KCNG3: variants seen among roughly 807,000 people sequenced by gnomAD.
The protein encoded by KCNG3 is voltage-gated potassium channel regulatory subunit KCNG3.
A neutral mutation model predicts 29.0 loss-of-function variants in KCNG3; 15 were observed. That is an observed-to-expected ratio of 0.52 (90% confidence interval 0.35 to 0.80). The LOEUF is 0.80. Among genes scored for constraint, KCNG3 ranks in the 30% least tolerant of loss-of-function variants. The probability of loss-of-function intolerance (pLI) is 0.01; values close to 1 mark genes in which losing one functional copy is unlikely to be tolerated. For missense variants in KCNG3, 512 were observed against 605.7 expected, an observed-to-expected ratio of 0.85 and a Z score of 1.62; for synonymous variants, 322 against 248.9, an observed-to-expected ratio of 1.29 and a Z score of -2.76.
At position 42,493,197 on chromosome 2, in the gene KCNG3, C is replaced by A. The variant is rs1474727422; in HGVS notation, c.305G>T (p.Gly102Val). The A allele has an allele frequency of 1.2e-6, 2 of 1,610,634 alleles. No individual in the cohort carries two copies. The highest frequency in any genetic ancestry group is 4.5e-5 in the East Asian group (2 of 44,850). Reference sequence around the variant, plus strand: ...GTACTCGAGGTGCGCGCCCTCCAGGCCCCAGTAGATCATCTCGTTGTAGAA... The same window carrying A: ...GTACTCGAGGTGCGCGCCCTCCAGGACCCAGTAGATCATCTCGTTGTAGAA... ...LSFYNEMIYWGLEGAHLEYCC... is the reference protein window; with the variant it reads ...LSFYNEMIYWVLEGAHLEYCC... Residue 102 changes from glycine (G) to valine (V), a missense_variant, in exon 1 of 2, where the codon GGC becomes GTC. By Grantham distance (109) the Gly-to-Val change is moderately radical. Transcript: ENST00000306078.
intron 1 of KCNG3, among the ~76,000 whole-genome samples, chr2:42,490,436 A>C (rs1162576971): frequency 6.6e-6 from 1 of 152,106 alleles, no homozygotes; most frequent in Admixed American, 6.6e-5. Flanking sequence ...AATAAAATAA[A>C]ATAAAATAAA....
At chr2:42,429,926 G>A in the KCNG3 span, among the ~76,000 whole-genome samples, 3 of 152,194 alleles carry the variant, frequency 2.0e-5, no homozygotes, top group Non-Finnish European at 2.9e-5. Context: ...CCAGGCAGCT[G>A]CTGTTGTGTC....
chr2:42,488,677 G>A (rs558417656), intron 1 of KCNG3, among the ~76,000 whole-genome samples: 70 of 151,846 alleles, frequency 4.6e-4, no homozygotes, highest in African/African-American at 1.6e-3. Flanking sequence ...AGCCTCCTGA[G>A]TAGCTGGGAT....
At chr2:42,391,723 C>T in the KCNG3 span, among the ~76,000 whole-genome samples, 1 of 148,288 alleles carries the variant, frequency 6.7e-6, no homozygotes, top group African/African-American at 2.5e-5. Context: ...CTGCCTCAGC[C>T]TCCCAAGTAG....
At chr2:42,425,960 ATT>A in the KCNG3 span, among the ~76,000 whole-genome samples, 1 of 152,260 alleles carries the variant, frequency 6.6e-6, no homozygotes, top group Admixed American at 6.5e-5. Context: ...AGTAGCATGT[ATT>A]TAGTATCAGC....
At chr2:42,465,558 C>T (rs1302751451) in intron 1 of KCNG3, among the ~76,000 whole-genome samples, 3 of 152,060 alleles carry the variant, frequency 2.0e-5, no homozygotes, top group Non-Finnish European at 1.5e-5. Context: ...ATGTTTGTGA[C>T]TGAGCAAGTA....
In KCNG3 at chr2:42,444,706, GACA is replaced by G; in HGVS notation, c.666-130_666-128del. 5 of 815,892 alleles carry G rather than the reference GACA, an allele frequency of 6.1e-6. No homozygotes were observed. Among genetic ancestry groups the G allele is most frequent in the Non-Finnish European group, 9.5e-6 (5 of 525,736 alleles). 50.5% of individuals were successfully genotyped at this position (815,892 alleles called of 1,614,324 possible). A position where few individuals can be genotyped will look rare whatever the true frequency, so the allele number is the denominator to read the frequency against. On this transcript the variant is annotated intron_variant, in intron 1 of 1. Transcript: ENST00000306078. The surrounding 1 kb of genome is among the most constrained non-coding windows in gnomAD (Gnocchi z 5.8). Reference sequence around the variant, plus strand: ...ACTTTTCCAGAAAACATAAAGAACAGACAACATTAGCAACATCATCAGACCACC... The same window carrying G: ...ACTTTTCCAGAAAACATAAAGAACAGACATTAGCAACATCATCAGACCACC...
rs147019368 is a variant in KCNG3, at chr2:42,488,618, C to T, written c.665+4219G>A. 4.8e-3 allele frequency among the ~76,000 whole-genome samples: 729 copies of T among 150,492 alleles called. 1 individual carries two copies. The highest frequency in any genetic ancestry group is 5.1e-3 in the Non-Finnish European group (345 of 67,804). ...AGGCTGGAGTGCAGTAGCGTGATAT[C>T]GGCTTACTGCAACCTCCGCCTCCCA... is the stretch of plus-strand genomic sequence containing the variant. On this transcript the variant is annotated intron_variant, in intron 1 of 1. Coordinates refer to ENST00000306078, the MANE Select transcript of KCNG3 (RefSeq NM_133329.6).
chr2:42,438,133 C>T (rs1433718868), downstream of KCNG3, among the ~76,000 whole-genome samples: 1 of 151,982 alleles, frequency 6.6e-6, no homozygotes, highest in Non-Finnish European at 1.5e-5. Context: ...TTGTAATATG[C>T]AGTTGAAAAA....
the KCNG3 span, among the ~76,000 whole-genome samples, chr2:42,412,719 C>A: frequency 6.6e-6 from 1 of 152,024 alleles, no homozygotes; most frequent in African/African-American, 2.4e-5. Context: ...TATTGTTACA[C>A]CAACTTTCCT....
intron 1 of KCNG3, among the ~76,000 whole-genome samples, chr2:42,465,994 A>T (rs189722159): frequency 7.9e-4 from 121 of 152,364 alleles, no homozygotes; most frequent in Non-Finnish European, 1.5e-3. Flanking sequence ...GAAACCGTAT[A>T]CAGTCATACA....
chr2:42,399,552 C>G, the KCNG3 span, among the ~76,000 whole-genome samples: 1 of 151,990 alleles, frequency 6.6e-6, no homozygotes, highest in Non-Finnish European at 1.5e-5. Context: ...ATTTATTTAG[C>G]CTTTTGACCA....
chr2:42,420,837 GTGACAAATCATTC>G, the KCNG3 span, among the ~76,000 whole-genome samples: 1 of 152,090 alleles, frequency 6.6e-6, no homozygotes, highest in Non-Finnish European at 1.5e-5. Flanking sequence ...AGCACTCTCA[GTGACAAATCATTC>G]TGACCTCTCC....
the KCNG3 span, among the ~76,000 whole-genome samples, chr2:42,431,618 T>C: frequency 6.6e-6 from 1 of 152,232 alleles, no homozygotes. Flanking sequence ...GCAAGTGAGC[T>C]TCCAACCATT....
chr2:42,450,941 A>C (rs927887781), intron 1 of KCNG3, among the ~76,000 whole-genome samples: 2 of 152,220 alleles, frequency 1.3e-5, no homozygotes, highest in African/African-American at 2.4e-5. Flanking sequence ...GCAGTGGCTC[A>C]TGCCCATAAT....
At position 42,443,992 on chromosome 2, in the gene KCNG3, T is replaced by C; in HGVS notation, c.1253A>G (p.Glu418Gly). ...ATACCTAGCAGATCTAAACTTGAGC[T>C]CATGATAACACTGCACAAAGCTATG... ...IYHSFVQCYH[E>G]LKFRSARYSR... Residue 418 changes from glutamate to glycine, a missense_variant, in exon 2 of 2, where the codon GAG becomes GGG. Physicochemically the swap from Glu to Gly is moderately conservative, Grantham distance 98 (BLOSUM62 -2). Around this residue, in one of 5 missense-constraint regions of KCNG3, gnomAD observed 173 missense variants for 262.4 expected, o/e 0.66. Transcript: ENST00000306078. 1 of 1,614,110 alleles carries C rather than the reference T, an allele frequency of 6.2e-7. No homozygotes were observed. Among genetic ancestry groups the C allele is most frequent in the Non-Finnish European group, 8.5e-7 (1 of 1,180,016 alleles).
At chr2:42,455,670 G>A (rs1214510550) in intron 1 of KCNG3, among the ~76,000 whole-genome samples, 1 of 152,168 alleles carries the variant, frequency 6.6e-6, no homozygotes, top group East Asian at 1.9e-4. Flanking sequence ...TTGGGAGGCT[G>A]AAGTGGGAGG....
At chr2:42,458,968 G>A (rs1281979623) in intron 1 of KCNG3, among the ~76,000 whole-genome samples, 1 of 152,094 alleles carries the variant, frequency 6.6e-6, no homozygotes, top group East Asian at 1.9e-4. Context: ...AGGCCAAGGT[G>A]GGTGGATTAC....
the KCNG3 span, among the ~76,000 whole-genome samples, chr2:42,430,301 G>C: frequency 1.4e-4 from 21 of 151,820 alleles, no homozygotes; most frequent in African/African-American, 4.3e-4. Flanking sequence ...CCAGGAGGTT[G>C]ACACTACAGT....
Sources: gnomAD v4.1 joint callset for allele counts (sites outside exome capture counted in the v4.1 genomes callset) on GRCh38, gnomAD v4.1.1 for gene constraint, gnomAD v4.1.1 regional missense constraint, Gnocchi (gnomAD v3.1) non-coding constraint, MANE v1.5 for transcripts, NCBI Gene and HGNC (gene_info 2026-07-23, HGNC 2026-07-21) for gene names.